The following PAX8 variants were observed in gnomAD, a reference collection of about 807,000 sequenced individuals.
The protein encoded by PAX8 is paired box protein Pax-8.
PAX8 carries 15 observed loss-of-function variants against 52.4 expected under a neutral mutation model. The ratio of observed to expected loss-of-function variants is 0.29; its 90% CI spans 0.19 to 0.44. The LOEUF is 0.44. Among genes scored for constraint, PAX8 ranks in the 20% least tolerant of loss-of-function variants. The pLI, the probability that PAX8 is intolerant of heterozygous loss-of-function variation, is 1.00. For missense variants in PAX8, 554 were observed against 602.5 expected (o/e 0.92, Z 0.84); for synonymous variants, 284 against 249.7 (o/e 1.14, Z -1.29).
chr2:113,241,828 G>A lies in PAX8; in HGVS notation c.602-102C>T, dbSNP rs570417354. On this transcript the variant is annotated intron_variant, in intron 6 of 11. Transcript: ENST00000429538. ...TCCAAGCTGACTCACTGTGGAGGGA[G>A]AAAAAGGGCCAGCCACGTGGGCCCA... 2.6e-6 allele frequency: 4 copies of A among 1,511,576 alleles called. No individual in the cohort carries two copies. In the South Asian group the frequency reaches 4.5e-5, roughly 17 times the overall value. The allele number at this position is 1,511,576 out of a possible 1,614,324, so 93.6% of individuals were successfully genotyped here.
chr2:113,236,208 C>G (rs1417424610), intron 8 of PAX8: 4 of 149,518 alleles, frequency 2.7e-5, no homozygotes, highest in African/African-American at 9.1e-5. Flanking sequence ...CCTCGGCCCA[C>G]CTTACGGGAG....
intron 2 of PAX8, among the ~76,000 whole-genome samples, chr2:113,261,044 A>C (rs1013707643): frequency 3.3e-5 from 5 of 152,178 alleles, no homozygotes; most frequent in African/African-American, 1.2e-4. Context: ...AATCTGTGAC[A>C]AAACCGTGCA....
intron 2 of PAX8, among the ~76,000 whole-genome samples, chr2:113,258,494 G>A (rs6743571): frequency 0.25 from 38,709 of 151,968 alleles, 5,655 homozygotes; most frequent in African/African-American, 0.41. Flanking sequence ...CCATCTGCCC[G>A]GAGTCTTCCC....
intron 2 of PAX8, among the ~76,000 whole-genome samples, chr2:113,247,426 A>C (rs1022205619): frequency 6.6e-6 from 1 of 152,218 alleles, no homozygotes; most frequent in African/African-American, 2.4e-5. Flanking sequence ...AAAAATACAA[A>C]AGAATAAAAG....
Position 113,235,433 on chromosome 2 carries a change from A to T in PAX8, c.1048T>A (p.Ser350Thr), listed in dbSNP as rs1690200408. The T allele has an allele frequency of 1.9e-6, 3 of 1,605,754 alleles. No homozygotes were observed. In the South Asian group the frequency reaches 3.3e-5, roughly 18 times the overall value. Reference sequence around the variant, plus strand: ...TGGCCCGTGAACTGCCCGTACACGGAGGCAGCATGGGGAAAGGCATTGAAG... The same window carrying T: ...TGGCCCGTGAACTGCCCGTACACGGTGGCAGCATGGGGAAAGGCATTGAAG... ...PPFNAFPHAA[S>T]VYGQFTGQAL... Residue 350 changes from serine to threonine, a missense_variant, in exon 9 of 12, where the codon TCC becomes ACC. By Grantham distance (58) the Ser-to-Thr change is moderately conservative. Transcript: ENST00000429538.
intron 9 of PAX8, among the ~76,000 whole-genome samples, chr2:113,234,062 C>T (rs1242111771): frequency 6.6e-6 from 1 of 152,210 alleles, no homozygotes; most frequent in Non-Finnish European, 1.5e-5. Context: ...TCACTAAATA[C>T]CCACACTCCT....
At chr2:113,242,231 C>G in intron 5 of PAX8, 101 bp from the exon 6 acceptor site, 4 of 807,254 alleles carry the variant, frequency 5.0e-6, no homozygotes, top group Admixed American at 2.2e-5. Context: ...ACTGCAGGGG[C>G]TGGGGGAGAG....
intron 9 of PAX8, among the ~76,000 whole-genome samples, chr2:113,233,640 T>C (rs1036277302): frequency 2.1e-5 from 3 of 145,300 alleles, no homozygotes; most frequent in African/African-American, 7.7e-5. Flanking sequence ...ATCGCGCCAC[T>C]GCACTCCAAC....
At chr2:113,222,646 C>G (rs753599320) in intron 10 of PAX8, among the ~76,000 whole-genome samples, 1 of 152,188 alleles carries the variant, frequency 6.6e-6, no homozygotes, top group Non-Finnish European at 1.5e-5. Flanking sequence ...TCATCAGTCT[C>G]TCCCTTCACC....
intron 10 of PAX8, among the ~76,000 whole-genome samples, chr2:113,222,490 C>T (rs1689327953): frequency 1.3e-5 from 2 of 152,194 alleles, no homozygotes; most frequent in African/African-American, 2.4e-5. Context: ...GGCATCTTCC[C>T]GTCATCAGAT....
chr2:113,220,549 T>G, intron 10 of PAX8: 1 of 205,878 alleles, frequency 4.9e-6, no homozygotes, highest in South Asian at 8.3e-5. Flanking sequence ...TGGGAAACTG[T>G]GCTGTGAGTG....
intron 11 of PAX8, among the ~76,000 whole-genome samples, chr2:113,219,412 C>T (rs1689156455): frequency 6.6e-6 from 1 of 152,128 alleles, no homozygotes; most frequent in Non-Finnish European, 1.5e-5. Context: ...CTCAAGTCCC[C>T]CCATTGGTGG....
chr2:113,245,045 GTT>G (rs11460401), intron 3 of PAX8, among the ~76,000 whole-genome samples: 1 of 135,696 alleles, frequency 7.4e-6, no homozygotes, highest in Non-Finnish European at 1.7e-5. Flanking sequence ...GGTTTTTTTT[GTT>G]TTTTTTTTTT....
intron 2 of PAX8, among the ~76,000 whole-genome samples, chr2:113,250,003 C>T (rs1691639164): frequency 6.6e-6 from 1 of 151,782 alleles, no homozygotes; most frequent in South Asian, 2.1e-4. Flanking sequence ...TGTGGTGGCT[C>T]ACGCCTGTAA....
At chr2:113,245,464 AC>A (rs1691237770) in intron 3 of PAX8, among the ~76,000 whole-genome samples, 2 of 151,716 alleles carry the variant, frequency 1.3e-5, no homozygotes, top group Admixed American at 6.6e-5. Flanking sequence ...CATATCCCTC[AC>A]CCCCCTGGTC....
intron 2 of PAX8, among the ~76,000 whole-genome samples, chr2:113,248,719 G>A (rs1478373559): frequency 6.6e-6 from 1 of 152,126 alleles, no homozygotes; most frequent in African/African-American, 2.4e-5. Flanking sequence ...AGCACTTTGG[G>A]AGGCTGAGGC....
In PAX8 at chr2:113,217,590, C is replaced by T. The variant is rs1319481236; in HGVS notation, c.*943G>A. The T allele has an allele frequency of 4.3e-6, 1 of 230,822 alleles. No homozygotes were observed. The highest frequency in any genetic ancestry group is 6.1e-5 in the East Asian group (1 of 16,300). The allele number at this position is 230,822 out of a possible 1,614,324, so 14.3% of individuals were successfully genotyped here. A position where few individuals can be genotyped will look rare whatever the true frequency, so the allele number is the denominator to read the frequency against. On this transcript the variant is annotated 3_prime_UTR_variant, in exon 12 of 12. Coordinates refer to ENST00000429538, the MANE Select transcript of PAX8 (RefSeq NM_003466.4). ...TGGGGAGCAGAGAGGGACCCTCTAT[C>T]GCTGGCTTCAGGGGGTGCCTTGGGT...
intron 10 of PAX8, 161 bp from the exon 11 acceptor site, chr2:113,220,339 T>C: frequency 1.6e-6 from 1 of 635,448 alleles, no homozygotes; most frequent in Non-Finnish European, 2.9e-6. Flanking sequence ...GGTCCCTCTG[T>C]CATCCCTTTT....
chr2:113,236,710 C>A lies in PAX8; in HGVS notation c.789G>T (p.Pro263=). 6.4e-7 allele frequency: 1 copy of A among 1,569,954 alleles called. No individual in the cohort carries two copies. The highest frequency in any genetic ancestry group is 8.6e-7 in the Non-Finnish European group (1 of 1,158,350). The change falls in exon 8 of 12, where the codon CCG becomes CCT. Residue 263 remains proline, a synonymous_variant. Coordinates refer to ENST00000429538, the MANE Select transcript of PAX8 (RefSeq NM_003466.4). ...SHTKGEQGLY[P]LPLLNSTLDD... Reference sequence around the variant, plus strand: ...CCAGGGTGCTGTTGAGCAAGGGCAGCGGGTAGAGGCCCTGGGGAGCAAAGA... The same window carrying A: ...CCAGGGTGCTGTTGAGCAAGGGCAGAGGGTAGAGGCCCTGGGGAGCAAAGA...
Sources: allele counts gnomAD v4.1 joint callset (sites outside exome capture counted in the v4.1 genomes callset), GRCh38; gene constraint gnomAD v4.1.1; transcripts MANE v1.5; gene names NCBI Gene and HGNC (gene_info 2026-07-23, HGNC 2026-07-21).